DDX42: variants seen among roughly 807,000 people sequenced by gnomAD.
DDX42 encodes the protein DEAD-box helicase 42, also known as ATP-dependent RNA helicase DDX42.
In DDX42, 22 loss-of-function variants were observed where a neutral mutation model predicts 101.5. The observed-to-expected ratio is 0.22, with a 90% confidence interval of 0.15 to 0.31. The LOEUF (loss-of-function observed/expected upper bound fraction) is 0.31, where lower values mean the gene tolerates loss of function less well. Among genes scored for constraint, DDX42 ranks in the 10% least tolerant of loss-of-function variants. DDX42 has a pLI of 1.00. For missense variants in DDX42, 849 were observed against 1,199.9 expected (o/e 0.71, Z 4.32); for synonymous variants, 402 against 401.2 (o/e 1.00, Z -0.02).
chr17:63,788,305 TGAGTC>T (rs1164329823), intron 2 of DDX42, among the ~76,000 whole-genome samples: 2 of 143,108 alleles, frequency 1.4e-5, no homozygotes, highest in East Asian at 4.2e-4. Flanking sequence ...CTTCAACATC[TGAGTC>T]TTTTTTTTTT....
rs199874577 is a variant in DDX42 at position 63,787,909 on chromosome 17, T to TTG, written c.221+640_221+641insGT. Among the ~76,000 whole-genome samples the TTG allele has an allele frequency of 3.0e-3, 359 of 121,340 alleles. 3 individuals are homozygous for TTG. The highest frequency in any genetic ancestry group is 0.015 in the African/African-American group (338 of 21,860). 79.6% of individuals were successfully genotyped at this position (121,340 alleles called of 152,430 possible). A position where few individuals can be genotyped will look rare whatever the true frequency, so the allele number is the denominator to read the frequency against. On this transcript the variant is annotated intron_variant, in intron 2 of 17. Transcript: ENST00000389924. Reference sequence around the variant, plus strand: ...GAGTTTTATATAATTCATGTGGTTTTTTTTTTTTTTTTTGGAGGCAGAGTT... The same window carrying TTG: ...GAGTTTTATATAATTCATGTGGTTTTTGTTTTTTTTTTTTTGGAGGCAGAGTT...
Position 63,817,922 on chromosome 17 carries a change from T to C in DDX42, c.2341T>C (p.Ser781Pro), listed in dbSNP as rs1025321822. The C allele has an allele frequency of 1.1e-5, 17 of 1,614,020 alleles. No homozygotes were observed. The highest frequency in any genetic ancestry group is 1.4e-5 in the Non-Finnish European group (16 of 1,180,034). ...NISGAPVTYP[S>P]AGAQGVNNTA... ...CAGTGGTGCCCCTGTGACCTACCCG[T>C]CTGCCGGAGCCCAAGGAGTCAACAA... is the stretch of plus-strand genomic sequence containing the variant. The change falls in exon 18 of 18, where the codon TCT becomes CCT. Residue 781 changes from serine to proline, a missense_variant. Physicochemically the swap from Ser to Pro is moderately conservative, Grantham distance 74. Coordinates refer to ENST00000389924, the MANE Select transcript of DDX42 (RefSeq NM_203499.3).
chr17:63,811,101 G>C lies in DDX42; in HGVS notation c.1326G>C (p.Arg442=), dbSNP rs56197520. The C allele has an allele frequency of 3.1e-6, 5 of 1,613,966 alleles. No homozygotes were observed. The highest frequency in any genetic ancestry group is 4.2e-6 in the Non-Finnish European group (5 of 1,179,932). The part of the protein sequence containing the change: ...RQTLLFSATF[R]KKIEKLARDI... Reference sequence around the variant, plus strand: ...CTCTCTTATTTAGTGCAACTTTTCGGAAGAAGATTGAAAAGTTGGCCAGAG... The same window carrying C: ...CTCTCTTATTTAGTGCAACTTTTCGCAAGAAGATTGAAAAGTTGGCCAGAG... Residue 442 remains arginine, a synonymous_variant, in exon 13 of 18, where the codon CGG becomes CGC. Coordinates refer to ENST00000389924, the MANE Select transcript of DDX42 (RefSeq NM_203499.3).
At chr17:63,803,565 C>G (rs1466147763) in intron 6 of DDX42, among the ~76,000 whole-genome samples, 5 of 112,128 alleles carry the variant, frequency 4.5e-5, no homozygotes, top group Non-Finnish European at 7.2e-5. Flanking sequence ...AAGACTCCAT[C>G]TCAAAAAAAA....
chr17:63,795,883 T>C (rs2039686664), intron 3 of DDX42, among the ~76,000 whole-genome samples: 2 of 152,212 alleles, frequency 1.3e-5, no homozygotes, highest in African/African-American at 4.8e-5. Flanking sequence ...CCATATTCCT[T>C]ATGCAGTATC....
chr17:63,775,165 C>G (rs2039404109), intron 1 of DDX42: 2 of 152,794 alleles, frequency 1.3e-5, no homozygotes, highest in Admixed American at 1.3e-4. Flanking sequence ...AAGCTCATTT[C>G]TGGCACATAA....
intron 4 of DDX42, among the ~76,000 whole-genome samples, chr17:63,799,285 A>G (rs1408446252): frequency 3.3e-5 from 5 of 152,178 alleles, no homozygotes; most frequent in Admixed American, 6.5e-5. Context: ...ATGGATTCAC[A>G]AAACTAGGAC....
intron 3 of DDX42, among the ~76,000 whole-genome samples, chr17:63,793,724 A>C (rs2039656688): frequency 6.6e-6 from 1 of 152,090 alleles, no homozygotes; most frequent in Admixed American, 6.6e-5. Context: ...CCTTCTTGCC[A>C]TCTTCCTCCA....
intron 3 of DDX42, among the ~76,000 whole-genome samples, chr17:63,795,736 A>G (rs1358802286): frequency 6.6e-6 from 1 of 152,234 alleles, no homozygotes; most frequent in Non-Finnish European, 1.5e-5. Flanking sequence ...AAATTAGAGT[A>G]CATTTCTGTA....
Position 63,818,322 on chromosome 17 carries a change from G to C in DDX42, c.2741G>C (p.Ser914Thr). Residue 914 changes from serine to threonine, a missense_variant, in exon 18 of 18, where the codon AGC (serine) becomes ACC (threonine). This residue lies in a region of DDX42 where 300 missense variants were observed against 304.9 expected (regional missense o/e 0.98). Transcript: ENST00000389924. ...AGCAGCAAGATGGACAAGGTGGACA[G>C]CAAGACAGATAAGACAGCTGACGGC... The part of the protein sequence containing the change: ...VDSSKMDKVD[S>T]KTDKTADGFA... 6.2e-7 allele frequency: 1 copy of C among 1,614,132 alleles called. No homozygotes were observed. The highest frequency in any genetic ancestry group is 8.5e-7 in the Non-Finnish European group (1 of 1,180,036).
intron 1 of DDX42, among the ~76,000 whole-genome samples, chr17:63,776,656 G>C (rs535048942): frequency 1.1e-4 from 17 of 148,680 alleles, no homozygotes; most frequent in Non-Finnish European, 1.9e-4. Flanking sequence ...TTTTGAGATG[G>C]TGTCTGGCTG....
intron 3 of DDX42, among the ~76,000 whole-genome samples, chr17:63,796,920 T>TATAGTG (rs1205052053): frequency 1.3e-5 from 2 of 152,270 alleles, no homozygotes; most frequent in South Asian, 4.1e-4. Flanking sequence ...CCACAGTATA[T>TATAGTG]ATAGTGGCAT....
rs537052716 is a variant in DDX42, at chr17:63,809,592, T to A, written c.1185T>A (p.Ala395=). 46 of 1,614,136 alleles carry A rather than the reference T, an allele frequency of 2.8e-5. No homozygotes were observed. The South Asian group carries it at 4.8e-4, about 17-fold the overall frequency. The change falls in exon 11 of 18, where the codon GCT becomes GCA. Residue 395 remains alanine, a synonymous_variant. Coordinates refer to ENST00000389924, the MANE Select transcript of DDX42 (RefSeq NM_203499.3). The part of the protein sequence containing the change: ...GRLIDHVKKK[A]TNLQRVSYLV... ...TGATAGATCATGTGAAAAAGAAAGC[T>A]ACCAATCTTCAAAGAGTCTCTTACC... is the stretch of plus-strand genomic sequence containing the variant.
intron 15 of DDX42, among the ~76,000 whole-genome samples, chr17:63,814,957 G>A (rs1381044014): frequency 6.6e-6 from 1 of 152,140 alleles, no homozygotes; most frequent in East Asian, 1.9e-4. Context: ...CAGAGTGCTG[G>A]GATTCATAGG....
intron 2 of DDX42, among the ~76,000 whole-genome samples, chr17:63,789,174 G>A (rs1372723031): frequency 6.6e-6 from 1 of 152,000 alleles, no homozygotes; most frequent in Non-Finnish European, 1.5e-5. Context: ...CACTTCCTGG[G>A]TTCAAGTGAT....
At chr17:63,817,063 C>A (rs1425139885) in intron 17 of DDX42, 97 bp downstream of exon 17, 11 of 967,552 alleles carry the variant, frequency 1.1e-5, no homozygotes, top group Non-Finnish European at 1.6e-5. Context: ...GGCGCCTAGG[C>A]TTGATGCTAG....
chr17:63,816,805 A>G lies in DDX42; in HGVS notation c.2014-63A>G, dbSNP rs1170724015. The G allele has an allele frequency of 2.3e-6, 3 of 1,330,924 alleles. No homozygotes were observed. In the Admixed American group the frequency reaches 6.4e-5, roughly 28 times the overall value. 82.4% of individuals were successfully genotyped at this position (1,330,924 alleles called of 1,614,324 possible). ...TTCAAGGGTTTTCATAATGAGGCCT[A>G]GTCTATAGCAGTGAGCTTTCCTGCT... On this transcript the variant is annotated intron_variant, in intron 16 of 17. Transcript: ENST00000389924.
chr17:63,790,569 T>G (rs2039614594), intron 2 of DDX42, among the ~76,000 whole-genome samples: 1 of 152,186 alleles, frequency 6.6e-6, no homozygotes, highest in African/African-American at 2.4e-5. Flanking sequence ...GAGACCAGCC[T>G]GGACAACGTG....
rs139209383 is a variant in DDX42 at position 63,782,620 on chromosome 17, T to C, written c.-16-4414T>C. On this transcript the variant is annotated intron_variant, in intron 1 of 17. Coordinates refer to ENST00000389924, the MANE Select transcript of DDX42 (RefSeq NM_203499.3). ...CCAATTACTGGTCACACAATCCTAA[T>C]TGATCTTTCCTCAGATATCTAAATA... Among the ~76,000 whole-genome samples, 28 of 152,320 alleles carry C rather than the reference T, an allele frequency of 1.8e-4. No homozygotes were observed. The East Asian group carries it at 4.8e-3, about 26-fold the overall frequency.
Sources: gnomAD v4.1 joint callset for allele counts (sites outside exome capture counted in the v4.1 genomes callset) on GRCh38, gnomAD v4.1.1 for gene constraint, gnomAD v4.1.1 regional missense constraint, MANE v1.5 for transcripts, NCBI Gene and HGNC (gene_info 2026-07-23, HGNC 2026-07-21) for gene names.